The following DNAH11 variants were observed in gnomAD, a reference collection of about 807,000 sequenced individuals.
The protein encoded by DNAH11 is dynein axonemal heavy chain 11, also known as axonemal beta dynein heavy chain 11.
DNAH11 carries 442 observed loss-of-function variants against 526.0 expected under a neutral mutation model. That is an observed-to-expected ratio of 0.84 (90% CI 0.78 to 0.91). DNAH11 has a LOEUF of 0.91. Among genes scored for constraint, DNAH11 ranks in the 40% least tolerant of loss-of-function variants. The pLI is 0.00. For synonymous variants in DNAH11, 2,461 were observed against 1,935.9 expected, an observed-to-expected ratio of 1.27 and a Z score of -7.12; for missense variants, 6,989 against 5,448.7, an observed-to-expected ratio of 1.28 and a Z score of -8.90.
intron 31 of DNAH11, among the ~76,000 whole-genome samples, chr7:21,681,892 C>G (rs1403299132): frequency 6.6e-6 from 1 of 152,098 alleles, no homozygotes. Flanking sequence ...AAAGGTTTTG[C>G]CAAGTTAGGA....
chr7:21,815,530 C>A (rs1583727879), intron 63 of DNAH11, among the ~76,000 whole-genome samples: 1 of 152,080 alleles, frequency 6.6e-6, no homozygotes, highest in South Asian at 2.1e-4. Flanking sequence ...AACCAATGAA[C>A]CAAACTGTTA....
At chr7:21,597,925 G>A (rs1450505578) in intron 14 of DNAH11, among the ~76,000 whole-genome samples, 1 of 152,154 alleles carries the variant, frequency 6.6e-6, no homozygotes, top group Non-Finnish European at 1.5e-5. Context: ...AATTCCAGGG[G>A]TGCATGTCAC....
chr7:21,555,007 C>T (rs1783161215), intron 2 of DNAH11, among the ~76,000 whole-genome samples: 1 of 152,192 alleles, frequency 6.6e-6, no homozygotes, highest in Non-Finnish European at 1.5e-5. Context: ...TTTTGTGAGA[C>T]ACATGGAGGG....
rs1029754137 is a variant in DNAH11, at chr7:21,811,470, T to C, written c.10332+3421T>C. 4.1e-5 allele frequency among the ~76,000 whole-genome samples: 6 copies of C among 147,596 alleles called. No individual in the cohort carries two copies. In the Admixed American group the frequency reaches 4.2e-4, roughly 10 times the overall value. ...GATGCCATCTCAAAAAAAAAAAAAT[T>C]AAGCCAAAAGGACAAATACTTCAAA... On this transcript the variant is annotated intron_variant, in intron 63 of 81. Transcript: ENST00000409508.
intron 44 of DNAH11, 106 bp downstream of exon 44, chr7:21,720,962 TATA>T (rs1390629211): frequency 1.5e-6 from 2 of 1,368,214 alleles, no homozygotes; most frequent in Non-Finnish European, 1.9e-6. Context: ...GTTATAGATC[TATA>T]CTGCTTGCCC....
chr7:21,742,320 G>A (rs1426052427), intron 49 of DNAH11, among the ~76,000 whole-genome samples, 154 bp downstream of exon 49: 2 of 152,174 alleles, frequency 1.3e-5, no homozygotes, highest in Non-Finnish European at 2.9e-5. Flanking sequence ...TGCAGGCTGT[G>A]CTAGCATGGC....
chr7:21,572,812 A>G (rs981770821), intron 8 of DNAH11, among the ~76,000 whole-genome samples: 2 of 152,196 alleles, frequency 1.3e-5, no homozygotes, highest in African/African-American at 2.4e-5. Flanking sequence ...CACTGCTGTA[A>G]TAGGTGACTT....
At chr7:21,717,735 G>A (rs1261851467) in intron 42 of DNAH11, 40 bp from the exon 43 acceptor site, 1 of 1,610,784 alleles carries the variant, frequency 6.2e-7, no homozygotes, top group Non-Finnish European at 8.5e-7. Flanking sequence ...TGCTTTTCAA[G>A]CCTAGTGTTC....
rs1249746719 is a variant in DNAH11 at position 21,901,272 on chromosome 7, T to C, written c.*18T>C. 6.3e-7 allele frequency: 1 copy of C among 1,587,358 alleles called. No homozygotes were observed. The highest frequency in any genetic ancestry group is 1.4e-5 in the African/African-American group (1 of 73,246). ...AAGCGTAAGGTAACACTGGCATTCCTCTAGCCTCTGCTGGAGTGCAGTGAG... is the reference window on the plus strand; with the variant it reads ...AAGCGTAAGGTAACACTGGCATTCCCCTAGCCTCTGCTGGAGTGCAGTGAG... On this transcript the variant is annotated 3_prime_UTR_variant, in exon 82 of 82. Coordinates refer to ENST00000409508, the MANE Select transcript of DNAH11 (RefSeq NM_001277115.2).
rs939486108 is a variant in DNAH11 at position 21,818,126 on chromosome 7, T to G, written c.10569-91T>G. The stretch of plus-strand genomic sequence containing the variant: ...CTCTAAGTTTGTCCCATTTAGAATA[T>G]CTACATTAAATATAATTTGATCATT... On this transcript the variant is annotated intron_variant, in intron 64 of 81. Coordinates refer to ENST00000409508, the MANE Select transcript of DNAH11 (RefSeq NM_001277115.2). The G allele has an allele frequency of 3.1e-6, 4 of 1,302,932 alleles. No individual in the cohort carries two copies. In the African/African-American group the frequency reaches 6.0e-5, roughly 20 times the overall value. The allele number at this position is 1,302,932 out of a possible 1,614,324, so 80.7% of individuals were successfully genotyped here.
chr7:21,591,592 C>A lies in DNAH11; in HGVS notation c.2667+15C>A. ...ACTTGGTCGAGGTAATGGCTTTTAA[C>A]CTTTCAAGATTTATAGATCTTTTCA... On this transcript the variant is annotated intron_variant, in intron 14 of 81. Coordinates refer to ENST00000409508, the MANE Select transcript of DNAH11 (RefSeq NM_001277115.2). 6.6e-7 allele frequency: 1 copy of A among 1,512,006 alleles called. No individual in the cohort carries two copies. The highest frequency in any genetic ancestry group is 8.8e-7 in the Non-Finnish European group (1 of 1,130,036). The allele number at this position is 1,512,006 out of a possible 1,614,324, so 93.7% of individuals were successfully genotyped here.
intron 36 of DNAH11, among the ~76,000 whole-genome samples, chr7:21,698,939 T>C (rs939825848): frequency 6.6e-6 from 1 of 152,224 alleles, no homozygotes; most frequent in East Asian, 1.9e-4. Flanking sequence ...GAAAAACTTA[T>C]TTTATAATTT....
chr7:21,825,808 A>G (rs1790264750), intron 65 of DNAH11, among the ~76,000 whole-genome samples: 1 of 152,004 alleles, frequency 6.6e-6, no homozygotes, highest in Admixed American at 6.6e-5. Context: ...AAATACAAAA[A>G]ATTAGCTGGG....
intron 44 of DNAH11, among the ~76,000 whole-genome samples, chr7:21,724,083 G>T (rs1486193355): frequency 1.3e-5 from 2 of 152,208 alleles, no homozygotes; most frequent in African/African-American, 4.8e-5. Flanking sequence ...ATTAATTAAT[G>T]AATGAAAGAT....
At chr7:21,637,405 A>G (rs1786916953) in intron 26 of DNAH11, among the ~76,000 whole-genome samples, 1 of 152,226 alleles carries the variant, frequency 6.6e-6, no homozygotes, top group East Asian at 1.9e-4. Flanking sequence ...TTATTTTTAT[A>G]AAAACGGTGT....
intron 25 of DNAH11, among the ~76,000 whole-genome samples, chr7:21,624,662 G>A (rs1339566034): frequency 6.6e-6 from 1 of 152,090 alleles, no homozygotes; most frequent in African/African-American, 2.4e-5. Context: ...ATTTTTTGCT[G>A]TTGAGTATAT....
intron 28 of DNAH11, among the ~76,000 whole-genome samples, chr7:21,644,547 G>A (rs937226249): frequency 6.6e-6 from 1 of 152,142 alleles, no homozygotes; most frequent in African/African-American, 2.4e-5. Flanking sequence ...AAGATAAGAC[G>A]TATCTAATGT....
At chr7:21,617,251 A>G (rs1785822479) in intron 22 of DNAH11, among the ~76,000 whole-genome samples, 1 of 152,256 alleles carries the variant, frequency 6.6e-6, no homozygotes, top group South Asian at 2.1e-4. Context: ...TGAGTCATGT[A>G]TTCCGAAGGA....
chr7:21,765,478 G>A lies in DNAH11; in HGVS notation c.8991G>A (p.Arg2997=). The A allele has an allele frequency of 1.9e-6, 3 of 1,613,904 alleles. No individual in the cohort carries two copies. The highest frequency in any genetic ancestry group is 2.5e-6 in the Non-Finnish European group (3 of 1,179,834). ...GTCGCACGCTGAGAGTTAGAGCTCG[G>A]AAGTTCCCAGCCATAGTTAACTGCA... ...PVGRTLRVRA[R]KFPAIVNCTA... is the part of the protein sequence containing the mutation. Residue 2997 remains arginine, a synonymous_variant, in exon 55 of 82, where the codon CGG becomes CGA. Coordinates refer to ENST00000409508, the MANE Select transcript of DNAH11 (RefSeq NM_001277115.2).
Sources: gnomAD v4.1 joint callset for allele counts (sites outside exome capture counted in the v4.1 genomes callset) on GRCh38, gnomAD v4.1.1 for gene constraint, MANE v1.5 for transcripts, NCBI Gene and HGNC (gene_info 2026-07-23, HGNC 2026-07-21) for gene names.